The following POLB variants were observed in gnomAD, a reference collection of about 807,000 sequenced individuals.
The protein encoded by POLB is 5'-dRP lyase.
A neutral mutation model predicts 52.7 loss-of-function variants in POLB; 37 were observed. The ratio of observed to expected loss-of-function variants is 0.70; its 90% confidence interval spans 0.54 to 0.92. The LOEUF is 0.92. POLB is among the 40% of genes least tolerant of loss of function. The probability of loss-of-function intolerance (pLI) is 0.00; values close to 1 mark genes in which losing one functional copy is unlikely to be tolerated. For synonymous variants in POLB, 138 were observed against 131.3 expected (o/e 1.05, Z -0.35); for missense variants, 313 against 400.8 (o/e 0.78, Z 1.87).
At chr8:42,338,896 C>T (rs1822019276) in intron 1 of POLB, 116 bp from the exon 2 acceptor site, 3 of 1,030,110 alleles carry the variant, frequency 2.9e-6, no homozygotes, top group South Asian at 1.3e-5. Flanking sequence ...TGGTCTGGCC[C>T]TTGGAGGAAA....
chr8:42,357,764 C>T (rs1352223111), intron 9 of POLB: 1 of 160,216 alleles, frequency 6.2e-6, no homozygotes, highest in Non-Finnish European at 1.3e-5. Context: ...GTCTCACTCT[C>T]TCGCCACGCT....
intron 6 of POLB, among the ~76,000 whole-genome samples, chr8:42,353,826 C>T (rs1243230741): frequency 6.6e-6 from 1 of 151,942 alleles, no homozygotes; most frequent in Non-Finnish European, 1.5e-5. Flanking sequence ...GGTATTTCTG[C>T]TTCGTACAAT....
chr8:42,349,891 C>T, intron 4 of POLB, 116 bp from the exon 5 acceptor site: 1 of 715,632 alleles, frequency 1.4e-6, no homozygotes, highest in South Asian at 1.6e-5. Context: ...TGTGGGTCAC[C>T]CAGGCAAATG....
Position 42,350,017 on chromosome 8 carries a change from A to T in POLB, c.272A>T (p.Asp91Val). The T allele has an allele frequency of 6.2e-7, 1 of 1,606,572 alleles. No homozygotes were observed. The highest frequency in any genetic ancestry group is 8.5e-7 in the Non-Finnish European group (1 of 1,173,286). Reference protein sequence around the residue: ...KLRKLEKIRQDDTSSSINFLT... With the variant: ...KLRKLEKIRQVDTSSSINFLT... ...TTTTTTTTCTTAAAGATTCGGCAGGATGATACGAGTTCATCCATCAATTTC... is the reference window on the plus strand; with the variant it reads ...TTTTTTTTCTTAAAGATTCGGCAGGTTGATACGAGTTCATCCATCAATTTC... The change falls in exon 5 of 14, where the codon GAT becomes GTT. Residue 91 changes from aspartate (D) to valine (V), a missense_variant. Asp to Val is a radical substitution (Grantham distance 152). This residue lies in a region of POLB where 246 missense variants were observed against 297.6 expected (regional missense o/e 0.83). Transcript: ENST00000265421.
At chr8:42,370,164 C>T in intron 13 of POLB, 176 bp downstream of exon 13, 1 of 678,346 alleles carries the variant, frequency 1.5e-6, no homozygotes, top group East Asian at 2.8e-5. Context: ...CCTAGGCCCT[C>T]AGTTGAAGGC....
intron 1 of POLB, 38 bp downstream of exon 1, chr8:42,338,723 C>T (rs762226684): frequency 2.5e-6 from 4 of 1,582,722 alleles, no homozygotes; most frequent in Non-Finnish European, 2.6e-6. Context: ...TTTCTTCTTT[C>T]CTTCCAGCCT....
chr8:42,349,601 T>G (rs757081519), intron 4 of POLB, among the ~76,000 whole-genome samples: 4 of 152,098 alleles, frequency 2.6e-5, no homozygotes, highest in Admixed American at 6.5e-5. Flanking sequence ...TGTTAGCCAG[T>G]ATGGTCTCGA....
At chr8:42,366,417 T>C (rs1324524303) in intron 11 of POLB, among the ~76,000 whole-genome samples, 1 of 152,212 alleles carries the variant, frequency 6.6e-6, no homozygotes, top group Non-Finnish European at 1.5e-5. Flanking sequence ...TTTTAAAGTA[T>C]AGAAGATTCA....
In POLB at chr8:42,338,703, C is replaced by T. The variant is rs771780389; in HGVS notation, c.61+18C>T. ...GCTCACAGGTTAGCACCGGGCCGGGCCCCGCTGGCTTTCTTCTTTCCTTCC... is the reference window on the plus strand; with the variant it reads ...GCTCACAGGTTAGCACCGGGCCGGGTCCCGCTGGCTTTCTTCTTTCCTTCC... On this transcript the variant is annotated intron_variant, in intron 1 of 13. Transcript: ENST00000265421. 1 of 1,611,472 alleles carries T rather than the reference C, an allele frequency of 6.2e-7. No homozygotes were observed. The highest frequency in any genetic ancestry group is 1.1e-5 in the South Asian group (1 of 91,026).
At chr8:42,368,354 G>A (rs555817258) in intron 11 of POLB, among the ~76,000 whole-genome samples, 116 of 152,302 alleles carry the variant, frequency 7.6e-4, no homozygotes, top group Non-Finnish European at 1.5e-3. Context: ...TCTTCCATAG[G>A]AACAGCTAAA....
In POLB at chr8:42,371,774, T is replaced by C. The variant is rs1563412275; in HGVS notation, c.*117T>C. On this transcript the variant is annotated 3_prime_UTR_variant, in exon 14 of 14. Coordinates refer to ENST00000265421, the MANE Select transcript of POLB (RefSeq NM_002690.3). ...GATTGTTTCTTCTTCATGCTTTTGC[T>C]TGCAATGTAGTCAATAAAACCTCAT... 2 of 667,176 alleles carry C rather than the reference T, an allele frequency of 3.0e-6. No homozygotes were observed. The highest frequency in any genetic ancestry group is 5.5e-6 in the Non-Finnish European group (2 of 361,010). The allele number at this position is 667,176 out of a possible 1,614,324, so 41.3% of individuals were successfully genotyped here. A position where few individuals can be genotyped will look rare whatever the true frequency, so the allele number is the denominator to read the frequency against.
At chr8:42,343,161 A>C (rs1271678626) in intron 2 of POLB, among the ~76,000 whole-genome samples, 2 of 151,360 alleles carry the variant, frequency 1.3e-5, no homozygotes, top group African/African-American at 4.9e-5. Flanking sequence ...TCTTTACTAA[A>C]AATGCAAAAA....
At chr8:42,363,139 GA>G in intron 11 of POLB, among the ~76,000 whole-genome samples, 1 of 150,076 alleles carries the variant, frequency 6.7e-6, no homozygotes, top group Middle Eastern at 3.5e-3. Context: ...AAAAAAGAAA[GA>G]AAAATAATCA....
chr8:42,359,694 C>G (rs1415222682), intron 9 of POLB, among the ~76,000 whole-genome samples: 4 of 151,190 alleles, frequency 2.6e-5, no homozygotes, highest in Non-Finnish European at 3.0e-5. Context: ...GTGTAACATT[C>G]AGTTGCATGC....
intron 10 of POLB, 116 bp from the exon 11 acceptor site, chr8:42,362,496 A>T: frequency 6.0e-6 from 4 of 665,812 alleles, no homozygotes; most frequent in Non-Finnish European, 1.1e-5. Context: ...TGTGAATAGC[A>T]CAGTCTCCAG....
chr8:42,369,349 T>C lies in POLB; in HGVS notation c.773+14T>C. The C allele has an allele frequency of 5.3e-6, 8 of 1,504,016 alleles. No homozygotes were observed. Among genetic ancestry groups the C allele is most frequent in the Non-Finnish European group, 7.4e-6 (8 of 1,085,306 alleles). The allele number at this position is 1,504,016 out of a possible 1,614,324, so 93.2% of individuals were successfully genotyped here. On this transcript the variant is annotated intron_variant, in intron 12 of 13. Transcript: ENST00000265421. The stretch of plus-strand genomic sequence containing the variant: ...AATTGATATCAGGTATTGTTCAGAC[T>C]TTGTTGCTGACCTGTTAACTTTTCC...
At chr8:42,354,237 T>A (rs949836452) in intron 6 of POLB, among the ~76,000 whole-genome samples, 4 of 152,344 alleles carry the variant, frequency 2.6e-5, no homozygotes, top group South Asian at 4.1e-4. Flanking sequence ...GTTTTAGTCG[T>A]ATACTTTAGC....
At chr8:42,360,762 A>G (rs1207216934) in intron 9 of POLB, among the ~76,000 whole-genome samples, 1 of 151,944 alleles carries the variant, frequency 6.6e-6, no homozygotes, top group Admixed American at 6.6e-5. Flanking sequence ...AAAAAAAAAA[A>G]AGAGAGTGCC....
chr8:42,349,256 G>A (rs149894748), intron 4 of POLB, 166 bp downstream of exon 4: 1 of 514,660 alleles, frequency 1.9e-6, no homozygotes, highest in East Asian at 3.3e-5. Context: ...TCCATAAAAT[G>A]TTCACTTGTT....
Sources: allele counts gnomAD v4.1 joint callset (sites outside exome capture counted in the v4.1 genomes callset), GRCh38; gene constraint gnomAD v4.1.1; regional missense constraint gnomAD v4.1.1; transcripts MANE v1.5; gene names NCBI Gene and HGNC (gene_info 2026-07-23, HGNC 2026-07-21).